PXDN: variants seen among roughly 807,000 people sequenced by gnomAD.
PXDN encodes peroxidasin homolog.
PXDN carries 77 observed loss-of-function variants against 140.3 expected under a neutral mutation model. That is an observed-to-expected ratio of 0.55 (90% CI 0.46 to 0.66). The LOEUF is 0.66. Ranked by LOEUF, PXDN falls within the 30% of genes least tolerant of loss-of-function variation. PXDN has a pLI of 0.00. For missense variants in PXDN, 1,838 were observed against 2,039.5 expected, an observed-to-expected ratio of 0.90 and a Z score of 1.90; for synonymous variants, 911 against 857.4, an observed-to-expected ratio of 1.06 and a Z score of -1.09.
chr2:1,640,614 C>T (rs1370491343), intron 19 of PXDN, among the ~76,000 whole-genome samples: 7 of 152,226 alleles, frequency 4.6e-5, no homozygotes, highest in Admixed American at 3.3e-4. Context: ...CTGGACCCCT[C>T]GCTTCTTCCA....
intron 8 of PXDN, among the ~76,000 whole-genome samples, 165 bp from the exon 9 acceptor site, chr2:1,673,977 A>G (rs1231889259): frequency 3.9e-5 from 6 of 152,184 alleles, no homozygotes; most frequent in East Asian, 1.9e-4. Flanking sequence ...CTAACAGGCA[A>G]TTCTGAAAAG....
At chr2:1,693,291 T>C (rs2125451106) in intron 1 of PXDN, among the ~76,000 whole-genome samples, 157 bp from the exon 2 acceptor site, 1 of 152,360 alleles carries the variant, frequency 6.6e-6, no homozygotes, top group South Asian at 2.1e-4. Context: ...CTGAGGCTAG[T>C]AAGTGTATGA....
At chr2:1,724,548 T>C (rs1685132864) in intron 1 of PXDN, among the ~76,000 whole-genome samples, 1 of 152,108 alleles carries the variant, frequency 6.6e-6, no homozygotes, top group Admixed American at 6.5e-5. Context: ...ACATTGATCA[T>C]CATGGTGGTT....
At chr2:1,717,598 TAGA>T (rs564342567) in intron 1 of PXDN, among the ~76,000 whole-genome samples, 75 of 77,238 alleles carry the variant, frequency 9.7e-4, no homozygotes, top group African/African-American at 5.0e-3. Flanking sequence ...AACTTATTTA[TAGA>T]AGGTCTTCTA....
chr2:1,706,138 G>A lies in PXDN; in HGVS notation c.201-13004C>T, dbSNP rs1335067962. Among the ~76,000 whole-genome samples, 3 of 152,152 alleles carry A rather than the reference G, an allele frequency of 2.0e-5. No homozygotes were observed. The East Asian group carries it at 5.8e-4, about 29-fold the overall frequency. On this transcript the variant is annotated intron_variant, in intron 1 of 22. Transcript: ENST00000252804. ...CGATTCCTGGGCTCTCAAACCCAGA[G>A]ACCGTCCCAGCGTCTCTGACCTTCA...
At chr2:1,741,085 G>T (rs552501414) in intron 1 of PXDN, among the ~76,000 whole-genome samples, 1 of 152,086 alleles carries the variant, frequency 6.6e-6, no homozygotes, top group Non-Finnish European at 1.5e-5. Flanking sequence ...CGGCTCCAGG[G>T]AAGAGAGGAA....
At chr2:1,661,462 G>A (rs919094068) in intron 13 of PXDN, among the ~76,000 whole-genome samples, 3 of 152,226 alleles carry the variant, frequency 2.0e-5, no homozygotes. Context: ...CCCAGCTGAG[G>A]CAGGAACAAG....
chr2:1,691,852 G>A (rs1684188153), intron 3 of PXDN, 76 bp downstream of exon 3: 3 of 910,846 alleles, frequency 3.3e-6, no homozygotes, highest in East Asian at 5.8e-5. Flanking sequence ...TTCATAAGCA[G>A]CACGAAATTT....
intron 1 of PXDN, among the ~76,000 whole-genome samples, chr2:1,732,520 G>A (rs1685335201): frequency 1.3e-5 from 2 of 152,242 alleles, no homozygotes; most frequent in Non-Finnish European, 2.9e-5. Flanking sequence ...TTCACAGGCA[G>A]TTGGTATGGG....
Position 1,687,808 on chromosome 2 carries a change from G to T in PXDN, c.345-105C>A. 1.2e-6 allele frequency: 1 copy of T among 831,412 alleles called. No homozygotes were observed. Among genetic ancestry groups the T allele is most frequent in the Non-Finnish European group, 1.9e-6 (1 of 531,672 alleles). The allele number at this position is 831,412 out of a possible 1,614,324, so 51.5% of individuals were successfully genotyped here. A position where few individuals can be genotyped will look rare whatever the true frequency, so the allele number is the denominator to read the frequency against. ...ACATGGAGACAGTTTTACAATTAAT[G>T]ACTGTATTAGAATGCAAACAAACCA... On this transcript the variant is annotated intron_variant, in intron 3 of 22. Transcript: ENST00000252804. The surrounding 1 kb of genome is among the most constrained non-coding windows in gnomAD (Gnocchi z 4.0).
Position 1,664,961 on chromosome 2 carries a change from C to T in PXDN, c.1405G>A (p.Gly469Arg), listed in dbSNP as rs1683398108. The T allele has an allele frequency of 6.2e-7, 1 of 1,605,632 alleles. No individual in the cohort carries two copies. The highest frequency in any genetic ancestry group is 8.5e-7 in the Non-Finnish European group (1 of 1,173,746). Residue 469 changes from glycine (G) to arginine (R), a missense_variant, in exon 11 of 23, where the codon GGA becomes AGA. Around this residue, in one of 5 missense-constraint regions of PXDN, gnomAD observed 537 missense variants for 583.9 expected, o/e 0.92. Transcript: ENST00000252804. The part of the protein sequence containing the change: ...NPPPVIAWTK[G>R]GSQLSVDRRH... ...AAAGGGCCGGCCTGGGTCTTACCTC[C>T]CTTGGTCCAGGCGATGACGGGCGGC...
At chr2:1,716,360 C>T (rs906385058) in intron 1 of PXDN, among the ~76,000 whole-genome samples, 2 of 148,418 alleles carry the variant, frequency 1.3e-5, no homozygotes, top group Non-Finnish European at 3.0e-5. Context: ...ATCACTTGAA[C>T]CCGGGAGGTG....
chr2:1,662,220 T>G (rs980861124), intron 12 of PXDN, 36 bp from the exon 13 acceptor site: 1 of 1,519,034 alleles, frequency 6.6e-7, no homozygotes, highest in Non-Finnish European at 9.0e-7. Flanking sequence ...GGAGAACGAG[T>G]CAATTACATC....
intron 2 of PXDN, chr2:1,692,444 A>G (rs1009859200): frequency 2.1e-6 from 1 of 468,570 alleles, no homozygotes; most frequent in Non-Finnish European, 4.4e-6. Context: ...GCCTGGGGTG[A>G]GAGACCCCGG....
chr2:1,674,765 G>A (rs1378654452), intron 8 of PXDN, among the ~76,000 whole-genome samples: 3 of 152,074 alleles, frequency 2.0e-5, no homozygotes, highest in Admixed American at 6.6e-5. Flanking sequence ...GAATGCAGAC[G>A]GGCCTACAGA....
intron 18 of PXDN, among the ~76,000 whole-genome samples, 188 bp downstream of exon 18, chr2:1,644,430 C>T (rs1336922391): frequency 6.6e-6 from 1 of 152,198 alleles, no homozygotes; most frequent in African/African-American, 2.4e-5. Context: ...GCTGCAAGGA[C>T]ATGTAAGCCC....
At position 1,692,011 on chromosome 2, in the gene PXDN, A is replaced by G; in HGVS notation, c.273-12T>C. On this transcript the variant is annotated splice_polypyrimidine_tract_variant and intron_variant, in intron 2 of 22. Transcript: ENST00000252804. ...TATTATTGAGAAGCCTATGAAAGAGAGTCGATAAGAATTTTAAAAAACAAC... is the reference window on the plus strand; with the variant it reads ...TATTATTGAGAAGCCTATGAAAGAGGGTCGATAAGAATTTTAAAAAACAAC... 1.3e-6 allele frequency: 2 copies of G among 1,491,858 alleles called. No homozygotes were observed. Among genetic ancestry groups the G allele is most frequent in the Non-Finnish European group, 9.0e-7 (1 of 1,105,912 alleles). The allele number at this position is 1,491,858 out of a possible 1,614,324, so 92.4% of individuals were successfully genotyped here. A position where few individuals can be genotyped will look rare whatever the true frequency, so the allele number is the denominator to read the frequency against.
At chr2:1,667,095 A>G (rs1431501631) in intron 9 of PXDN, among the ~76,000 whole-genome samples, 2 of 152,114 alleles carry the variant, frequency 1.3e-5, no homozygotes, top group African/African-American at 2.4e-5. Context: ...GAAGATGTGC[A>G]CACTCTATTG....
chr2:1,676,607 G>C (rs562386763), intron 8 of PXDN: 1 of 380,960 alleles, frequency 2.6e-6, no homozygotes, highest in South Asian at 3.3e-5. Context: ...GCTGCCAGAC[G>C]TCAGCAGGCA....
Sources: gnomAD v4.1 joint callset for allele counts (sites outside exome capture counted in the v4.1 genomes callset) on GRCh38, gnomAD v4.1.1 for gene constraint, gnomAD v4.1.1 regional missense constraint, Gnocchi (gnomAD v3.1) non-coding constraint, MANE v1.5 for transcripts, NCBI Gene and HGNC (gene_info 2026-07-23, HGNC 2026-07-21) for gene names.